Variants in EIF3B observed in about 807,000 individuals in gnomAD.
The protein encoded by EIF3B is eukaryotic translation initiation factor 3 subunit 9.
In EIF3B, 10 loss-of-function variants were observed where a neutral mutation model predicts 104.6. The observed-to-expected ratio is 0.10, with a 90% CI of 0.06 to 0.16. The LOEUF (loss-of-function observed/expected upper bound fraction) is 0.16, where lower values mean the gene tolerates loss of function less well. Among genes scored for constraint, EIF3B ranks in the 10% least tolerant of loss-of-function variants. EIF3B has a pLI of 1.00. For missense variants in EIF3B, 1,014 were observed against 1,087.9 expected, an observed-to-expected ratio of 0.93 and a Z score of 0.96; for synonymous variants, 542 against 417.2, an observed-to-expected ratio of 1.30 and a Z score of -3.65.
chr7:2,366,313 C>T lies in EIF3B; in HGVS notation c.1158-4C>T. 1 of 1,601,026 alleles carries T rather than the reference C, an allele frequency of 6.2e-7. No individual in the cohort carries two copies. On this transcript the variant is annotated splice_polypyrimidine_tract_variant and splice_region_variant and intron_variant, in intron 6 of 18. Transcript: ENST00000360876. Reference sequence around the variant, plus strand: ...TAGTGTACAGTGTTGCCCTTCTCTTCTAGGTACCTGGTGACCTTTAGCCCC... The same window carrying T: ...TAGTGTACAGTGTTGCCCTTCTCTTTTAGGTACCTGGTGACCTTTAGCCCC...
upstream of EIF3B, chr7:2,354,352 C>G (rs796666198): frequency 3.9e-5 from 6 of 152,346 alleles, no homozygotes; most frequent in Admixed American, 1.3e-4. Flanking sequence ...GTGACAGACA[C>G]GGACAGGGGG....
intron 1 of EIF3B, among the ~76,000 whole-genome samples, chr7:2,356,041 C>T (rs920010820): frequency 6.6e-6 from 1 of 152,216 alleles, no homozygotes; most frequent in African/African-American, 2.4e-5. Context: ...TTGCCTTCAT[C>T]TCAACCTTGA....
At chr7:2,363,839 G>A in intron 5 of EIF3B, 79 bp downstream of exon 5, 3 of 1,495,634 alleles carry the variant, frequency 2.0e-6, no homozygotes, top group Non-Finnish European at 2.7e-6. Flanking sequence ...GTTTCTATCA[G>A]AAAACTGGAA....
At chr7:2,379,863 C>G in intron 18 of EIF3B, 1 of 302,274 alleles carries the variant, frequency 3.3e-6, no homozygotes, top group African/African-American at 2.2e-5. Context: ...GAAACACTGG[C>G]GTGCACGGCT....
chr7:2,370,225 C>G (rs900121212), intron 10 of EIF3B, among the ~76,000 whole-genome samples: 1 of 151,622 alleles, frequency 6.6e-6, no homozygotes, highest in African/African-American at 2.4e-5. Context: ...GCCTGTAATC[C>G]CAGCACTTTG....
chr7:2,379,191 G>T lies in EIF3B; in HGVS notation c.2290G>T (p.Ala764Ser). 6.2e-7 allele frequency: 1 copy of T among 1,613,952 alleles called. No individual in the cohort carries two copies. Among genetic ancestry groups the T allele is most frequent in the South Asian group, 1.1e-5 (1 of 91,054 alleles). The change falls in exon 17 of 19, where the codon GCC becomes TCC. Residue 764 changes from alanine to serine, a missense_variant. Ala to Ser is a moderately conservative substitution (Grantham distance 99). This residue lies in a region of EIF3B where 266 missense variants were observed against 324.0 expected (regional missense o/e 0.82). Coordinates refer to ENST00000360876, the MANE Select transcript of EIF3B (RefSeq NM_001037283.2). ...MEDFRKYRKM[A>S]QELYMEQKNE... ...AGATTTCCGGAAGTACCGGAAAATGGCCCAGGAGCTCTATATGGAGCAGAA... is the reference window on the plus strand; with the variant it reads ...AGATTTCCGGAAGTACCGGAAAATGTCCCAGGAGCTCTATATGGAGCAGAA...
At position 2,362,647 on chromosome 7, in the gene EIF3B, A is replaced by T. The variant is rs778237987; in HGVS notation, c.695A>T (p.Tyr232Phe). Residue 232 changes from tyrosine (Y) to phenylalanine (F), a missense_variant and splice_region_variant, in exon 3 of 19, where the codon TAT becomes TTT. By Grantham distance (22) the Tyr-to-Phe change is conservative. Around this residue, in one of 4 missense-constraint regions of EIF3B, gnomAD observed 488 missense variants for 404.3 expected, o/e 1.21. Coordinates refer to ENST00000360876, the MANE Select transcript of EIF3B (RefSeq NM_001037283.2). ...GCCAACGGCCCTCTCTCACTCAGGT[A>T]TATTTTCCTGGAGTACGCGTCCCCT... ...YPEEDGKTKG[Y>F]IFLEYASPAH... The T allele has an allele frequency of 2.5e-6, 4 of 1,614,108 alleles. No homozygotes were observed. The highest frequency in any genetic ancestry group is 3.4e-6 in the Non-Finnish European group (4 of 1,180,058).
At chr7:2,366,844 G>A in intron 8 of EIF3B, 155 bp from the exon 9 acceptor site, 1 of 855,932 alleles carries the variant, frequency 1.2e-6, no homozygotes, top group Non-Finnish European at 1.9e-6. Flanking sequence ...GTTCTGGGTG[G>A]CGGGTGGGTG....
At chr7:2,362,925 T>G in intron 3 of EIF3B, 145 bp from the exon 4 acceptor site, 1 of 1,426,646 alleles carries the variant, frequency 7.0e-7, no homozygotes, top group Admixed American at 1.7e-5. Context: ...CCCACACTTC[T>G]GGCCTACAGC....
At chr7:2,363,345 GC>G (rs1779840531) in intron 4 of EIF3B, among the ~76,000 whole-genome samples, 1 of 152,090 alleles carries the variant, frequency 6.6e-6, no homozygotes, top group Non-Finnish European at 1.5e-5. Flanking sequence ...TGTATTCCCA[GC>G]TACCTGGGAG....
In EIF3B at chr7:2,380,354, T is replaced by G; in HGVS notation, c.*165T>G. 1.9e-6 allele frequency: 1 copy of G among 518,858 alleles called. No individual in the cohort carries two copies. Among genetic ancestry groups the G allele is most frequent in the South Asian group, 1.4e-5 (1 of 71,548 alleles). 32.1% of individuals were successfully genotyped at this position (518,858 alleles called of 1,614,324 possible). On this transcript the variant is annotated 3_prime_UTR_variant, in exon 19 of 19. Coordinates refer to ENST00000360876, the MANE Select transcript of EIF3B (RefSeq NM_001037283.2). ...ACTCCCGCCTCCTCCCTGTGCTCTCTGGCTCTGGACTGTGACTGCGCCTGG... is the reference window on the plus strand; with the variant it reads ...ACTCCCGCCTCCTCCCTGTGCTCTCGGGCTCTGGACTGTGACTGCGCCTGG...
At position 2,373,012 on chromosome 7, in the gene EIF3B, G is replaced by A. The variant is rs115464125; in HGVS notation, c.1810+217G>A. The A allele has an allele frequency of 2.0e-3, 777 of 383,058 alleles. 5 individuals are homozygous for A. Among genetic ancestry groups the A allele is most frequent in the African/African-American group, 0.015 (705 of 48,454 alleles). The allele number at this position is 383,058 out of a possible 1,614,324, so 23.7% of individuals were successfully genotyped here. On this transcript the variant is annotated intron_variant, in intron 12 of 18. Coordinates refer to ENST00000360876, the MANE Select transcript of EIF3B (RefSeq NM_001037283.2). Reference sequence around the variant, plus strand: ...TCTCTGAGCCCCGTTGAGCCCTCACGTTTAAGCGAGTATTTCCAAGGCTTC... The same window carrying A: ...TCTCTGAGCCCCGTTGAGCCCTCACATTTAAGCGAGTATTTCCAAGGCTTC...
At chr7:2,378,824 C>CG in intron 16 of EIF3B, 58 bp downstream of exon 16, 1 of 1,443,636 alleles carries the variant, frequency 6.9e-7, no homozygotes, top group Non-Finnish European at 9.7e-7. Context: ...ATGGCAAAGG[C>CG]GGGGCTGCGG....
chr7:2,362,921 C>T (rs1387562603), intron 3 of EIF3B, 149 bp from the exon 4 acceptor site: 15 of 1,433,654 alleles, frequency 1.0e-5, no homozygotes, highest in Non-Finnish European at 1.4e-5. Context: ...CTGCCCCACA[C>T]TTCTGGCCTA....
intron 18 of EIF3B, 159 bp downstream of exon 18, chr7:2,379,670 G>A: frequency 1.6e-6 from 1 of 617,666 alleles, no homozygotes; most frequent in Admixed American, 2.8e-5. Flanking sequence ...GAAATGTAGA[G>A]TCGGTGCCGA....
At chr7:2,370,458 C>T (rs542827606) in intron 10 of EIF3B, among the ~76,000 whole-genome samples, 20 of 151,992 alleles carry the variant, frequency 1.3e-4, no homozygotes, top group Admixed American at 4.6e-4. Flanking sequence ...CCCAGCCTGG[C>T]GACAGAGCCA....
intron 9 of EIF3B, among the ~76,000 whole-genome samples, chr7:2,368,745 C>G (rs1780162808): frequency 6.6e-6 from 1 of 152,242 alleles, no homozygotes; most frequent in Non-Finnish European, 1.5e-5. Flanking sequence ...GCCTTCGGCT[C>G]ATTTTCACCA....
intron 3 of EIF3B, 142 bp from the exon 4 acceptor site, chr7:2,362,928 C>A: frequency 7.1e-7 from 1 of 1,416,382 alleles, no homozygotes; most frequent in Non-Finnish European, 9.8e-7. Flanking sequence ...ACACTTCTGG[C>A]CTACAGCACC....
At position 2,379,531 on chromosome 7, in the gene EIF3B, G is replaced by A. The variant is rs367883165; in HGVS notation, c.*14+20G>A. The A allele has an allele frequency of 1.4e-4, 200 of 1,464,102 alleles. No individual in the cohort carries two copies. The African/African-American group carries it at 2.3e-3, about 17-fold the overall frequency. The allele number at this position is 1,464,102 out of a possible 1,614,324, so 90.7% of individuals were successfully genotyped here. On this transcript the variant is annotated intron_variant, in intron 18 of 18. Transcript: ENST00000360876. ...ACTGTGGTGAGCGTCTGCAGGGGGC[G>A]CGATGGGGGTCCTGTTGGCTGCTCA...
Sources: gnomAD v4.1 joint callset for allele counts (sites outside exome capture counted in the v4.1 genomes callset) on GRCh38, gnomAD v4.1.1 for gene constraint, gnomAD v4.1.1 regional missense constraint, MANE v1.5 for transcripts, NCBI Gene and HGNC (gene_info 2026-07-23, HGNC 2026-07-21) for gene names.